Variants in EYS observed in about 807,000 individuals in gnomAD.
The protein encoded by EYS is protein eyes shut homolog.
Under a neutral mutation model 282.1 loss-of-function variants are expected in EYS, and 250 were observed. The observed-to-expected ratio is 0.89, with a 90% confidence interval of 0.80 to 0.98. EYS has a LOEUF of 0.98. EYS is among the 50% of genes least tolerant of loss of function. EYS has a pLI of 0.00. For synonymous variants in EYS, 1,355 were observed against 1,282.9 expected, an observed-to-expected ratio of 1.06 and a Z score of -1.20; for missense variants, 4,016 against 3,709.0, an observed-to-expected ratio of 1.08 and a Z score of -2.15.
chr6:65,111,943 C>A (rs1430491054), intron 12 of EYS, among the ~76,000 whole-genome samples: 1 of 152,130 alleles, frequency 6.6e-6, no homozygotes, highest in African/African-American at 2.4e-5. Flanking sequence ...TCCCAGAAAA[C>A]CTTACTCACT....
At chr6:65,195,188 A>G (rs1336741848) in intron 12 of EYS, among the ~76,000 whole-genome samples, 2 of 151,980 alleles carry the variant, frequency 1.3e-5, no homozygotes, top group African/African-American at 4.8e-5. Context: ...CTTGACTTTC[A>G]TATACTTTTA....
At chr6:65,643,279 G>A (rs1766449037) in intron 1 of EYS, among the ~76,000 whole-genome samples, 1 of 152,106 alleles carries the variant, frequency 6.6e-6, no homozygotes, top group Non-Finnish European at 1.5e-5. Context: ...CCACTTCTTT[G>A]GTGACCTGTA....
At chr6:65,292,330 G>T (rs981513594) in intron 12 of EYS, among the ~76,000 whole-genome samples, 2 of 151,696 alleles carry the variant, frequency 1.3e-5, no homozygotes, top group Admixed American at 1.3e-4. Flanking sequence ...TATCCATGAG[G>T]TCTTAACAGA....
At chr6:65,397,438 G>T (rs567175022) in intron 7 of EYS, among the ~76,000 whole-genome samples, 5 of 152,010 alleles carry the variant, frequency 3.3e-5, no homozygotes, top group African/African-American at 1.2e-4. Flanking sequence ...TGTACCCATT[G>T]TCTAGTTTCC....
At chr6:64,628,292 ATATGCAAAATAAACTTC>A (rs1222295051) in intron 22 of EYS, among the ~76,000 whole-genome samples, 2 of 150,074 alleles carry the variant, frequency 1.3e-5, no homozygotes, top group African/African-American at 4.9e-5. Context: ...GTTTACTCTT[ATATGCAAAATAAACTTC>A]TATGCAAAAT....
chr6:64,023,844 C>T (rs756084009), intron 33 of EYS, among the ~76,000 whole-genome samples: 5 of 152,146 alleles, frequency 3.3e-5, no homozygotes, highest in African/African-American at 4.8e-5. Flanking sequence ...TCCAGGTGGG[C>T]GTGGGCTCAG....
intron 22 of EYS, among the ~76,000 whole-genome samples, chr6:64,659,530 G>A (rs1276703531): frequency 1.3e-5 from 2 of 151,800 alleles, no homozygotes; most frequent in African/African-American, 4.8e-5. Flanking sequence ...TCAAATAGAT[G>A]CAATAAAAAA....
At chr6:63,883,562 A>T (rs1581931670) in intron 35 of EYS, among the ~76,000 whole-genome samples, 2 of 152,234 alleles carry the variant, frequency 1.3e-5, no homozygotes, top group East Asian at 3.9e-4. Context: ...AGGATGTCCC[A>T]GCAGAATAGA....
intron 19 of EYS, among the ~76,000 whole-genome samples, chr6:64,833,393 T>C (rs1018568134): frequency 6.6e-6 from 1 of 151,904 alleles, no homozygotes; most frequent in Non-Finnish European, 1.5e-5. Context: ...CAGTGGGATG[T>C]ACCGGCATGA....
intron 30 of EYS, among the ~76,000 whole-genome samples, chr6:64,239,148 C>A (rs905411843): frequency 6.6e-6 from 1 of 152,078 alleles, no homozygotes; most frequent in Admixed American, 6.6e-5. Flanking sequence ...TTATCCAGTC[C>A]ATCATTGATG....
At chr6:64,602,682 A>C (rs1393900763) in intron 24 of EYS, among the ~76,000 whole-genome samples, 3 of 152,062 alleles carry the variant, frequency 2.0e-5, no homozygotes, top group African/African-American at 7.2e-5. Context: ...TAGCAATTTG[A>C]AAACTAAGTA....
At chr6:64,756,219 T>C (rs919618394) in intron 22 of EYS, among the ~76,000 whole-genome samples, 1 of 152,226 alleles carries the variant, frequency 6.6e-6, no homozygotes, top group South Asian at 2.1e-4. Flanking sequence ...ATATAGTTAT[T>C]TTGAAACTTT....
chr6:65,676,215 A>T (rs1267187611), intron 1 of EYS, among the ~76,000 whole-genome samples: 1 of 151,830 alleles, frequency 6.6e-6, no homozygotes, highest in Non-Finnish European at 1.5e-5. Context: ...TAGCAGAAGG[A>T]AGGAATTTTA....
At position 65,523,963 on chromosome 6, in the gene EYS, C is replaced by T. The variant is rs554134396; in HGVS notation, c.-332-27970G>A. 1.9e-4 allele frequency among the ~76,000 whole-genome samples: 29 copies of T among 152,310 alleles called. 1 individual carries two copies. The South Asian group carries it at 4.8e-3, about 25-fold the overall frequency. On this transcript the variant is annotated intron_variant, in intron 2 of 42. Transcript: ENST00000503581. Reference sequence around the variant, plus strand: ...CCCAGCTCACTGCAAACTCCGCCTCCTGGGTTCAAGTGATTCTTCTGCCTC... The same window carrying T: ...CCCAGCTCACTGCAAACTCCGCCTCTTGGGTTCAAGTGATTCTTCTGCCTC...
chr6:63,896,779 C>G (rs1268265959), intron 35 of EYS, among the ~76,000 whole-genome samples: 2 of 152,184 alleles, frequency 1.3e-5, no homozygotes, highest in African/African-American at 2.4e-5. Flanking sequence ...TTGCCTTCTT[C>G]CAAAAGTCAT....
At chr6:64,982,570 G>A (rs1583357329) in intron 14 of EYS, among the ~76,000 whole-genome samples, 1 of 151,108 alleles carries the variant, frequency 6.6e-6, no homozygotes, top group Non-Finnish European at 1.5e-5. Context: ...GAAAAGTGTT[G>A]GCAGAAGGCT....
chr6:64,504,787 G>C (rs1301430124), intron 26 of EYS, among the ~76,000 whole-genome samples: 1 of 152,218 alleles, frequency 6.6e-6, no homozygotes, highest in Non-Finnish European at 1.5e-5. Context: ...GCAGTTGAGA[G>C]AGAGAAGTTC....
chr6:63,881,685 A>G (rs1038533952), intron 35 of EYS, among the ~76,000 whole-genome samples: 2 of 152,170 alleles, frequency 1.3e-5, no homozygotes, highest in Non-Finnish European at 2.9e-5. Context: ...CTTGGCACAA[A>G]TATGCAAAAT....
intron 12 of EYS, among the ~76,000 whole-genome samples, chr6:65,109,124 T>C (rs1349715585): frequency 6.6e-6 from 1 of 152,096 alleles, no homozygotes; most frequent in Non-Finnish European, 1.5e-5. Flanking sequence ...TTGTAAAACA[T>C]ACATGTAAGA....
Sources: gnomAD v4.1 joint callset for allele counts (sites outside exome capture counted in the v4.1 genomes callset) on GRCh38, gnomAD v4.1.1 for gene constraint, MANE v1.5 for transcripts, NCBI Gene and HGNC (gene_info 2026-07-23, HGNC 2026-07-21) for gene names.